BCORL1: variants seen among roughly 807,000 people sequenced by gnomAD.
The protein encoded by BCORL1 is BCL-6 corepressor-like protein 1.
A neutral mutation model predicts 87.6 loss-of-function variants in BCORL1; 7 were observed. The observed-to-expected ratio is 0.08, with a 90% CI of 0.05 to 0.15. The LOEUF is 0.15. Ranked by LOEUF, BCORL1 falls within the 10% of genes least tolerant of loss-of-function variation. BCORL1 has a pLI of 1.00. For missense variants in BCORL1, 1,215 were observed against 1,499.7 expected, an observed-to-expected ratio of 0.81 and a Z score of 3.13; for synonymous variants, 591 against 634.4, an observed-to-expected ratio of 0.93 and a Z score of 1.03.
At chrX:130,024,073 G>T (rs781494171) in intron 6 of BCORL1, among the ~76,000 whole-genome samples, 2 of 112,461 alleles carry the variant, frequency 1.8e-5, no homozygotes, top group South Asian at 7.3e-4. Context: ...CTTCCGAGGA[G>T]GAAGGTGTCA....
rs760914003 is a variant in BCORL1, at chrX:130,035,510, CAG to C, written c.4527+837_4527+838del. On this transcript the variant is annotated intron_variant, in intron 9 of 13. Coordinates refer to ENST00000540052, the MANE Select transcript of BCORL1 (RefSeq NM_001379451.1). ...AGCAGTGGAGTTGCTGGGTTAGTTA[CAG>C]AGTGTGCCTTTGGTTTTAAGGCTTT... Among the ~76,000 whole-genome samples the C allele has an allele frequency of 1.2e-4, 13 of 111,765 alleles. No homozygotes were observed. The South Asian group carries it at 4.9e-3, about 42-fold the overall frequency.
chrX:130,025,998 G>C (rs1053634006), intron 7 of BCORL1, among the ~76,000 whole-genome samples: 5 of 111,672 alleles, frequency 4.5e-5, no homozygotes, highest in Non-Finnish European at 9.4e-5. Flanking sequence ...GAGAAAACCA[G>C]GCTTTCTCTG....
chrX:129,996,721 G>A (rs765705192), intron 1 of BCORL1, among the ~76,000 whole-genome samples: 27 of 111,456 alleles, frequency 2.4e-4, no homozygotes, highest in Non-Finnish European at 3.6e-4. Flanking sequence ...TGGGCTCGAA[G>A]GATCCCTTCT....
intron 1 of BCORL1, among the ~76,000 whole-genome samples, chrX:130,003,031 A>G (rs1278674208): frequency 9.0e-6 from 1 of 110,807 alleles, no homozygotes; most frequent in African/African-American, 3.3e-5. Context: ...CACTCTGCAG[A>G]GATGAGGAGG....
intron 1 of BCORL1, among the ~76,000 whole-genome samples, chrX:130,000,194 C>CGCCACCATGCCCGGCTAAGGT (rs1927937452): frequency 9.1e-6 from 1 of 109,799 alleles, no homozygotes; most frequent in Non-Finnish European, 1.9e-5. Context: ...TACAGGCACC[C>CGCCACCATGCCCGGCTAAGGT]GCCACCATGC....
chrX:130,019,358 T>G (rs1299228586), intron 4 of BCORL1, among the ~76,000 whole-genome samples: 1 of 112,611 alleles, frequency 8.9e-6, no homozygotes, highest in Non-Finnish European at 1.9e-5. Flanking sequence ...CAGAAATAAA[T>G]AGGACATGTT....
chrX:130,053,616 C>G (rs1766870885), intron 13 of BCORL1, among the ~76,000 whole-genome samples: 1 of 111,745 alleles, frequency 8.9e-6, no homozygotes, highest in African/African-American at 3.3e-5. Flanking sequence ...GTGGTTAGCC[C>G]AGAGCCCGGT....
At chrX:130,002,114 A>G (rs772010030) in intron 1 of BCORL1, among the ~76,000 whole-genome samples, 1 of 109,869 alleles carries the variant, frequency 9.1e-6, no homozygotes, top group East Asian at 2.9e-4. Context: ...TTTCCAGGCT[A>G]GGGGACGGTA....
chrX:130,050,626 C>A, intron 11 of BCORL1, 91 bp from the exon 12 acceptor site: 1 of 752,641 alleles, frequency 1.3e-6, no homozygotes. Flanking sequence ...TCCCTTCTCC[C>A]ATTCCCTTAG....
At chrX:129,984,496 C>G (rs1926439989) in intron 1 of BCORL1, among the ~76,000 whole-genome samples, 1 of 110,831 alleles carries the variant, frequency 9.0e-6, no homozygotes, top group South Asian at 3.8e-4. Flanking sequence ...CCTCGAGGTT[C>G]GGTTTCGGGA....
chrX:130,051,781 T>G, intron 12 of BCORL1, 79 bp from the exon 13 acceptor site: 1 of 983,047 alleles, frequency 1.0e-6, no homozygotes, highest in East Asian at 3.3e-5. Flanking sequence ...TCCATGCCCC[T>G]TTATCTGCTT....
At chrX:129,990,045 C>G (rs1325129250) in intron 1 of BCORL1, among the ~76,000 whole-genome samples, 1 of 110,906 alleles carries the variant, frequency 9.0e-6, no homozygotes, top group Non-Finnish European at 1.9e-5. Context: ...CTCAGCCTCC[C>G]AAAGTGCTGG....
At chrX:129,994,855 G>A (rs1927437120) in intron 1 of BCORL1, among the ~76,000 whole-genome samples, 1 of 111,705 alleles carries the variant, frequency 9.0e-6, no homozygotes, top group African/African-American at 3.3e-5. Flanking sequence ...TAGTCAGGCA[G>A]AAGTTTGGGA....
rs1277496263 is a variant in BCORL1, at chrX:130,056,671, T to TTCTGTA, written c.*536_*541dup. 8.8e-6 allele frequency: 1 copy of TTCTGTA among 113,079 alleles called. No individual in the cohort carries two copies. Among genetic ancestry groups the TTCTGTA allele is most frequent in the African/African-American group, 3.2e-5 (1 of 30,965 alleles). 9.3% of individuals were successfully genotyped at this position (113,079 alleles called of 1,213,427 possible). Reference sequence around the variant, plus strand: ...AGACAACTTGTTGTATTGAGGGACTTTCTGTACCTCCTTTTCTTTTTCTTT... The same window carrying TTCTGTA: ...AGACAACTTGTTGTATTGAGGGACTTTCTGTATCTGTACCTCCTTTTCTTTTTCTTT... On this transcript the variant is annotated 3_prime_UTR_variant, in exon 14 of 14. Coordinates refer to ENST00000540052, the MANE Select transcript of BCORL1 (RefSeq NM_001379451.1).
chrX:130,025,491 G>A, intron 7 of BCORL1, 112 bp downstream of exon 7: 1 of 721,379 alleles, frequency 1.4e-6, no homozygotes, highest in Non-Finnish European at 2.0e-6. Context: ...CCGGTGCTAT[G>A]ATCTCCAGCT....
intron 1 of BCORL1, among the ~76,000 whole-genome samples, chrX:129,999,470 G>A (rs947862496): frequency 9.4e-6 from 1 of 106,165 alleles, no homozygotes; most frequent in African/African-American, 3.4e-5. Flanking sequence ...AGCCACACAC[G>A]GCTATTTTTT....
Position 130,037,397 on chromosome X carries a change from A to G in BCORL1, c.4558A>G (p.Ser1520Gly). The G allele has an allele frequency of 8.3e-7, 1 of 1,211,697 alleles. No individual in the cohort carries two copies. The highest frequency in any genetic ancestry group is 3.0e-5 in the East Asian group (1 of 33,831). Residue 1520 changes from serine to glycine, a missense_variant, in exon 10 of 14, where the codon AGT becomes GGT. Transcript: ENST00000540052. ...DVVLYCLQKD[S>G]EDVNHRDNAG... ...TGTTCTCTACTGCCTCCAGAAAGACAGTGAAGATGTGAATCACCGTGACAA... is the reference window on the plus strand; with the variant it reads ...TGTTCTCTACTGCCTCCAGAAAGACGGTGAAGATGTGAATCACCGTGACAA...
chrX:130,028,804 A>G lies in BCORL1; in HGVS notation c.4248A>G (p.Pro1416=). The change falls in exon 8 of 14, where the codon CCA becomes CCG. Residue 1416 remains proline, a synonymous_variant. Coordinates refer to ENST00000540052, the MANE Select transcript of BCORL1 (RefSeq NM_001379451.1). The part of the protein sequence containing the change: ...EPACLENSEK[P]SGKRKCKTKH... ...CCTGCCTTGAAAATTCAGAAAAGCCATCAGGAAAACGAAAGTGCAAGACCA... is the reference window on the plus strand; with the variant it reads ...CCTGCCTTGAAAATTCAGAAAAGCCGTCAGGAAAACGAAAGTGCAAGACCA... 1 of 1,210,348 alleles carries G rather than the reference A, an allele frequency of 8.3e-7. No homozygotes were observed.
At chrX:130,027,029 GC>G (rs957765116) in intron 7 of BCORL1, among the ~76,000 whole-genome samples, 1 of 113,202 alleles carries the variant, frequency 8.8e-6, no homozygotes, top group African/African-American at 3.2e-5. Flanking sequence ...GGTAGGCAGA[GC>G]CACTTCCACT....
Sources: allele counts gnomAD v4.1 joint callset (sites outside exome capture counted in the v4.1 genomes callset), GRCh38; gene constraint gnomAD v4.1.1; transcripts MANE v1.5; gene names NCBI Gene and HGNC (gene_info 2026-07-23, HGNC 2026-07-21).